Variants in CFAP74 observed in about 807,000 individuals in gnomAD.
CFAP74 encodes the protein cilia and flagella associated protein 74.
In CFAP74, 124 loss-of-function variants were observed where a neutral mutation model predicts 188.9. The observed-to-expected ratio is 0.66, with a 90% CI of 0.57 to 0.76. The LOEUF (loss-of-function observed/expected upper bound fraction) is 0.76. Ranked by LOEUF, CFAP74 falls within the 30% of genes least tolerant of loss-of-function variation. The probability of loss-of-function intolerance (pLI) is 0.00; values close to 1 mark genes in which losing one functional copy is unlikely to be tolerated. For missense variants in CFAP74, 2,198 were observed against 2,165.2 expected (o/e 1.02, Z -0.30); for synonymous variants, 956 against 916.7 (o/e 1.04, Z -0.77).
chr1:2,002,323 C>A (rs1345703119), intron 1 of CFAP74, among the ~76,000 whole-genome samples: 1 of 150,522 alleles, frequency 6.6e-6, no homozygotes, highest in South Asian at 2.1e-4. Flanking sequence ...TTATATAAAC[C>A]TTATATAATA....
At chr1:1,928,750 C>T (rs770669115) in intron 27 of CFAP74, 34 bp downstream of exon 27, 44 of 1,494,168 alleles carry the variant, frequency 2.9e-5, no homozygotes, top group South Asian at 4.8e-5. Context: ...GGCCCTTCCC[C>T]GACCTACGCC....
In CFAP74 at chr1:1,939,712, A is replaced by G. The variant is rs1444796767; in HGVS notation, c.2759T>C (p.Leu920Pro). Residue 920 changes from leucine (L) to proline (P), a missense_variant, in exon 24 of 39, where the codon CTC becomes CCC. Coordinates refer to ENST00000682832, the MANE Select transcript of CFAP74 (RefSeq NM_001304360.2). Reference protein sequence around the residue: ...HAIVTTSDLELSPSEVDFGYC... With the variant: ...HAIVTTSDLEPSPSEVDFGYC... The stretch of plus-strand genomic sequence containing the variant: ...GCCAAAATCCACCTCCGAGGGACTG[A>G]GCTCCAGGTCCGAGGTGGTGACAAT... 8 of 1,536,038 alleles carry G rather than the reference A, an allele frequency of 5.2e-6. No individual in the cohort carries two copies. The East Asian group carries it at 1.7e-4, about 33-fold the overall frequency.
At chr1:1,955,190 C>T (rs777107080) in intron 18 of CFAP74, 14 of 1,288,682 alleles carry the variant, frequency 1.1e-5, no homozygotes, top group South Asian at 1.2e-5. Flanking sequence ...TTCTGGATCT[C>T]GATGCGTATG....
intron 6 of CFAP74, among the ~76,000 whole-genome samples, chr1:1,978,341 G>A (rs944438056): frequency 6.6e-6 from 1 of 152,132 alleles, no homozygotes; most frequent in African/African-American, 2.4e-5. Flanking sequence ...GGGTGGTGGA[G>A]CCCTGGGGTG....
chr1:1,975,846 C>A lies in CFAP74; in HGVS notation c.501-1648G>T, dbSNP rs1407804656. ...GCCCGGTGATCAGTGCTCCAGTGGC[C>A]GTGGGAGCTAACAGCCTGCAGGGTC... On this transcript the variant is annotated intron_variant, in intron 6 of 38. Coordinates refer to ENST00000682832, the MANE Select transcript of CFAP74 (RefSeq NM_001304360.2). The surrounding 1 kb of genome is among the most constrained non-coding windows in gnomAD (Gnocchi z 4.5). 6.6e-6 allele frequency among the ~76,000 whole-genome samples: 1 copy of A among 152,068 alleles called. No homozygotes were observed. The highest frequency in any genetic ancestry group is 1.5e-5 in the Non-Finnish European group (1 of 68,000).
Position 1,968,965 on chromosome 1 carries a change from A to G in CFAP74, c.1047-132T>C. On this transcript the variant is annotated intron_variant, in intron 10 of 38. Transcript: ENST00000682832. This position sits in a 1 kb window ranked among gnomAD's most constrained non-coding sequence, Gnocchi z 4.3. ...CGGTCCTGCCCAGCAGCCCCAGGTG[A>G]GACAGCGCCTGGCGGCCCCTCCCTA... 1 of 445,752 alleles carries G rather than the reference A, an allele frequency of 2.2e-6. No homozygotes were observed. Among genetic ancestry groups the G allele is most frequent in the Non-Finnish European group, 3.8e-6 (1 of 265,270 alleles). The allele number at this position is 445,752 out of a possible 1,614,324, so 27.6% of individuals were successfully genotyped here.
intron 10 of CFAP74, among the ~76,000 whole-genome samples, chr1:1,969,215 G>A (rs1161051996): frequency 2.5e-5 from 2 of 80,618 alleles, no homozygotes; most frequent in African/African-American, 5.1e-5. Flanking sequence ...GCCTAGCCCT[G>A]CCCAGCCCTG....
At chr1:1,955,881 G>T in intron 17 of CFAP74, 31 bp from the exon 18 acceptor site, 1 of 1,589,802 alleles carries the variant, frequency 6.3e-7, no homozygotes, top group Non-Finnish European at 8.6e-7. Context: ...CCTGGCTTGG[G>T]AGGTTTCCCA....
intron 6 of CFAP74, among the ~76,000 whole-genome samples, chr1:1,979,213 G>C (rs1208039747): frequency 3.2e-5 from 3 of 93,306 alleles, no homozygotes; most frequent in Non-Finnish European, 6.8e-5. Flanking sequence ...GCGTGGGAAG[G>C]CGTCATGTGA....
rs373079784 is a variant in CFAP74 at position 1,959,161 on chromosome 1, C to T, written c.1810G>A (p.Glu604Lys). ...GNISFLAQTG[E>K]FSVPLKCSTK... is the part of the protein sequence containing the mutation. ...GAACATTTCAGTGGAACTGAAAACTCGCCCGTCTGAGCCAAAAATGAGATA... is the reference window on the plus strand; with the variant it reads ...GAACATTTCAGTGGAACTGAAAACTTGCCCGTCTGAGCCAAAAATGAGATA... The change falls in exon 16 of 39, where the codon GAG (glutamate) becomes AAG (lysine). Residue 604 changes from glutamate to lysine, a missense_variant. Transcript: ENST00000682832. The T allele has an allele frequency of 1.6e-4, 256 of 1,613,264 alleles. No individual in the cohort carries two copies. The highest frequency in any genetic ancestry group is 8.2e-4 in the Middle Eastern group (5 of 6,082).
In CFAP74 at chr1:1,927,692, C is replaced by A; in HGVS notation, c.3442G>T (p.Val1148Phe). The stretch of plus-strand genomic sequence containing the variant: ...TTGTCGCGGTTCTGTGCTCGAAGAA[C>A]GGAGAATGACAGTCCATGCAGGTCC... Reference protein sequence around the residue: ...RKDLHGLSFSVLRAQNRDKLF... With the variant: ...RKDLHGLSFSFLRAQNRDKLF... The change falls in exon 28 of 39, where the codon GTT (valine) becomes TTT (phenylalanine). Residue 1148 changes from valine to phenylalanine, a missense_variant. Coordinates refer to ENST00000682832, the MANE Select transcript of CFAP74 (RefSeq NM_001304360.2). The A allele has an allele frequency of 1.9e-6, 3 of 1,549,966 alleles. No individual in the cohort carries two copies. Among genetic ancestry groups the A allele is most frequent in the Non-Finnish European group, 1.7e-6 (2 of 1,146,768 alleles).
intron 1 of CFAP74, among the ~76,000 whole-genome samples, chr1:1,992,622 C>T (rs960379587): frequency 1.3e-5 from 2 of 151,822 alleles, no homozygotes; most frequent in Non-Finnish European, 1.5e-5. Context: ...TACAGGCGCC[C>T]ACCACTACGC....
chr1:1,955,311 C>T, intron 18 of CFAP74: 1 of 1,240,374 alleles, frequency 8.1e-7, no homozygotes, highest in Non-Finnish European at 1.1e-6. Context: ...CTCGGCACCT[C>T]TCCCCGCTGG....
In CFAP74 at chr1:1,964,787, C is replaced by T. The variant is rs1012914181; in HGVS notation, c.1575+101G>A. 1.8e-5 allele frequency: 24 copies of T among 1,328,952 alleles called. No homozygotes were observed. The African/African-American group carries it at 2.7e-4, about 15-fold the overall frequency. The allele number at this position is 1,328,952 out of a possible 1,614,324, so 82.3% of individuals were successfully genotyped here. ...CCTGGGCGACAGAGTGAGACTCCAT[C>T]TCAAAAAAAAGCAAAAGGTGTCAGG... is the stretch of plus-strand genomic sequence containing the variant. On this transcript the variant is annotated intron_variant, in intron 13 of 38. Transcript: ENST00000682832.
At chr1:1,939,127 CGA>C (rs759861496) in intron 24 of CFAP74, 139 bp from the exon 25 acceptor site, 76 of 908,214 alleles carry the variant, frequency 8.4e-5, no homozygotes, top group Non-Finnish European at 6.0e-5. Context: ...TCGCTGTCAA[CGA>C]GTGTGTGTCA....
intron 22 of CFAP74, among the ~76,000 whole-genome samples, chr1:1,940,839 A>G (rs748601084): frequency 2.6e-5 from 4 of 152,216 alleles, no homozygotes; most frequent in Admixed American, 2.0e-4. Flanking sequence ...AGGGCCGGGC[A>G]CGGTGGCTCA....
chr1:1,957,406 G>A (rs1358788727), intron 16 of CFAP74, among the ~76,000 whole-genome samples: 1 of 152,230 alleles, frequency 6.6e-6, no homozygotes, highest in Non-Finnish European at 1.5e-5. Context: ...GACGTGGTTC[G>A]CAGAGGGCGG....
intron 14 of CFAP74, among the ~76,000 whole-genome samples, chr1:1,962,019 C>G (rs1655123655): frequency 6.6e-6 from 1 of 152,110 alleles, no homozygotes; most frequent in Non-Finnish European, 1.5e-5. Context: ...GAGGATCCTG[C>G]CCTTGCTGAC....
intron 9 of CFAP74, among the ~76,000 whole-genome samples, chr1:1,971,182 C>G (rs568394286): frequency 6.6e-6 from 1 of 151,878 alleles, no homozygotes; most frequent in East Asian, 1.9e-4. Flanking sequence ...CCTGCACACA[C>G]GTGCACAGAC....
Sources: allele counts gnomAD v4.1 joint callset (sites outside exome capture counted in the v4.1 genomes callset), GRCh38; gene constraint gnomAD v4.1.1; non-coding constraint Gnocchi (gnomAD v3.1); transcripts MANE v1.5; gene names NCBI Gene and HGNC (gene_info 2026-07-23, HGNC 2026-07-21).